The following BLOC1S5 variants were observed in gnomAD, a reference collection of about 807,000 sequenced individuals.
The protein encoded by BLOC1S5 is biogenesis of lysosome-related organelles complex 1 subunit 5.
Under a neutral mutation model 24.3 loss-of-function variants are expected in BLOC1S5, and 27 were observed. The ratio of observed to expected loss-of-function variants is 1.11; its 90% CI spans 0.82 to 1.53. BLOC1S5 has a LOEUF of 1.53. Ranked by LOEUF, BLOC1S5 falls within the 40% of genes most tolerant of loss-of-function variation. BLOC1S5 has a pLI of 0.00. For missense variants in BLOC1S5, 239 were observed against 229.4 expected (o/e 1.04, Z -0.27); for synonymous variants, 84 against 74.5 (o/e 1.13, Z -0.66).
chr6:8,045,530 C>T (rs899384165), intron 2 of BLOC1S5, among the ~76,000 whole-genome samples: 10 of 152,158 alleles, frequency 6.6e-5, no homozygotes, highest in African/African-American at 2.2e-4. Flanking sequence ...CAGCTTGCAC[C>T]ATGCACCTGG....
intron 2 of BLOC1S5, among the ~76,000 whole-genome samples, chr6:8,041,620 T>C (rs1240396248): frequency 7.9e-6 from 1 of 126,742 alleles, no homozygotes; most frequent in Admixed American, 8.3e-5. Flanking sequence ...CCATATTGTG[T>C]CTTAAATCTT....
chr6:8,039,981 A>G (rs894267279), intron 3 of BLOC1S5, among the ~76,000 whole-genome samples: 1 of 152,270 alleles, frequency 6.6e-6, no homozygotes, highest in Non-Finnish European at 1.5e-5. Flanking sequence ...CCACATGGTG[A>G]AAAGTCGTGA....
At chr6:8,047,855 G>C (rs1057506216) in intron 2 of BLOC1S5, among the ~76,000 whole-genome samples, 2 of 152,150 alleles carry the variant, frequency 1.3e-5, no homozygotes, top group Non-Finnish European at 2.9e-5. Context: ...TTCTGTCTTT[G>C]TTTACTAGCA....
chr6:8,014,165 T>C lies in BLOC1S5; in HGVS notation c.*1484A>G, dbSNP rs1277613770. ...TTCTTTACTAAAGAGCAATAAAAAATATGTGAAAGATTTATCCATACCTCA... is the reference window on the plus strand; with the variant it reads ...TTCTTTACTAAAGAGCAATAAAAAACATGTGAAAGATTTATCCATACCTCA... On this transcript the variant is annotated 3_prime_UTR_variant, in exon 5 of 5. Coordinates refer to ENST00000397457, the MANE Select transcript of BLOC1S5 (RefSeq NM_201280.3). The C allele has an allele frequency of 6.6e-6, 1 of 152,176 alleles. No homozygotes were observed. The highest frequency in any genetic ancestry group is 1.5e-5 in the Non-Finnish European group (1 of 68,020). The allele number at this position is 152,176 out of a possible 1,614,324, so 9.4% of individuals were successfully genotyped here.
chr6:8,053,823 G>A (rs80139834), intron 2 of BLOC1S5, among the ~76,000 whole-genome samples: 4,740 of 152,162 alleles, frequency 0.031, 230 homozygotes, highest in African/African-American at 0.1. Flanking sequence ...CTTTCTCTGT[G>A]TGGTCTTTGT....
chr6:8,037,224 A>G (rs988437715), intron 3 of BLOC1S5, among the ~76,000 whole-genome samples: 1 of 152,232 alleles, frequency 6.6e-6, no homozygotes, highest in African/African-American at 2.4e-5. Flanking sequence ...ATATTTAGAA[A>G]AACCTATTGA....
At chr6:8,037,863 A>T (rs1349311930) in intron 3 of BLOC1S5, among the ~76,000 whole-genome samples, 1 of 152,186 alleles carries the variant, frequency 6.6e-6, no homozygotes, top group Non-Finnish European at 1.5e-5. Context: ...GGCACCAAGA[A>T]CATACAATGG....
intron 2 of BLOC1S5, among the ~76,000 whole-genome samples, chr6:8,051,285 T>A (rs549211939): frequency 6.6e-6 from 1 of 152,208 alleles, no homozygotes; most frequent in East Asian, 1.9e-4. Flanking sequence ...GGACAGAAGA[T>A]GAAACCAGCC....
Position 8,062,529 on chromosome 6 carries a change from C to T in BLOC1S5, c.195+5G>A, listed in dbSNP as rs1303368114. The T allele has an allele frequency of 1.3e-6, 2 of 1,532,538 alleles. No individual in the cohort carries two copies. The highest frequency in any genetic ancestry group is 2.8e-5 in the African/African-American group (2 of 72,648). The allele number at this position is 1,532,538 out of a possible 1,614,324, so 94.9% of individuals were successfully genotyped here. ...TACTTTTATAAAATAAGTTTAAATA[C>T]TCACTTCAAATTCTTTTACAAAATA... On this transcript the variant is annotated splice_donor_5th_base_variant and intron_variant, in intron 2 of 4. Coordinates refer to ENST00000397457, the MANE Select transcript of BLOC1S5 (RefSeq NM_201280.3).
intron 2 of BLOC1S5, among the ~76,000 whole-genome samples, chr6:8,053,796 TAATA>T (rs1204460677): frequency 6.6e-6 from 1 of 152,152 alleles, no homozygotes; most frequent in Non-Finnish European, 1.5e-5. Context: ...CACACATACA[TAATA>T]TATATATAAA....
intron 2 of BLOC1S5, among the ~76,000 whole-genome samples, chr6:8,056,008 A>G (rs1404735052): frequency 6.6e-6 from 1 of 152,170 alleles, no homozygotes; most frequent in Non-Finnish European, 1.5e-5. Flanking sequence ...CATCAAAAGA[A>G]TGGTTTCCTT....
chr6:8,043,357 T>C (rs1763757571), intron 2 of BLOC1S5, among the ~76,000 whole-genome samples: 1 of 152,182 alleles, frequency 6.6e-6, no homozygotes, highest in South Asian at 2.1e-4. Flanking sequence ...GTTCATATTA[T>C]CAGTGGTATC....
At chr6:8,046,396 C>T (rs1763901830) in intron 2 of BLOC1S5, among the ~76,000 whole-genome samples, 1 of 152,032 alleles carries the variant, frequency 6.6e-6, no homozygotes, top group Non-Finnish European at 1.5e-5. Flanking sequence ...ATTATCTGTA[C>T]TATCTTTGCA....
chr6:8,034,565 A>G (rs138511496), intron 3 of BLOC1S5, among the ~76,000 whole-genome samples: 5,948 of 152,232 alleles, frequency 0.039, 367 homozygotes, highest in African/African-American at 0.13. Flanking sequence ...CATGGCACAT[A>G]TATACCTATG....
At chr6:8,016,060 T>A (rs1264294909) in intron 4 of BLOC1S5, among the ~76,000 whole-genome samples, 1 of 152,256 alleles carries the variant, frequency 6.6e-6, no homozygotes, top group African/African-American at 2.4e-5. Context: ...GCACAGTGGC[T>A]AATGCCTGTA....
chr6:8,042,894 G>A (rs1763742201), intron 2 of BLOC1S5, among the ~76,000 whole-genome samples: 1 of 152,150 alleles, frequency 6.6e-6, no homozygotes, highest in Non-Finnish European at 1.5e-5. Context: ...AAGCTTCCCT[G>A]TAAGATTACA....
In BLOC1S5 at chr6:8,026,348, TATC is replaced by T; in HGVS notation, c.384+16_384+18del. 1 of 1,572,778 alleles carries T rather than the reference TATC, an allele frequency of 6.4e-7. No homozygotes were observed. Among genetic ancestry groups the T allele is most frequent in the Non-Finnish European group, 8.7e-7 (1 of 1,143,366 alleles). On this transcript the variant is annotated intron_variant, in intron 4 of 4. Coordinates refer to ENST00000397457, the MANE Select transcript of BLOC1S5 (RefSeq NM_201280.3). Reference sequence around the variant, plus strand: ...AAGATGCAAGAATTATATGCCTCATTATCTAAATGATCTTTTACCTTTTTTCGT... The same window carrying T: ...AAGATGCAAGAATTATATGCCTCATTTAAATGATCTTTTACCTTTTTTCGT...
At chr6:8,052,336 T>C (rs1050300731) in intron 2 of BLOC1S5, among the ~76,000 whole-genome samples, 7 of 152,224 alleles carry the variant, frequency 4.6e-5, no homozygotes, top group Admixed American at 3.3e-4. Flanking sequence ...ATTTAAGAAA[T>C]AGATTTCTTA....
At chr6:8,052,364 C>T (rs1008539578) in intron 2 of BLOC1S5, among the ~76,000 whole-genome samples, 2 of 152,094 alleles carry the variant, frequency 1.3e-5, no homozygotes, top group Non-Finnish European at 2.9e-5. Flanking sequence ...CCACAGACAG[C>T]GATTTCACTG....
Sources: allele counts gnomAD v4.1 joint callset (sites outside exome capture counted in the v4.1 genomes callset), GRCh38; gene constraint gnomAD v4.1.1; transcripts MANE v1.5; gene names NCBI Gene and HGNC (gene_info 2026-07-23, HGNC 2026-07-21).